Variants in EPHA6 observed in about 807,000 individuals in gnomAD.
The protein encoded by EPHA6 is EPH receptor A6.
In EPHA6, 50 loss-of-function variants were observed where a neutral mutation model predicts 112.0. That is an observed-to-expected ratio of 0.45 (90% CI 0.36 to 0.56). The LOEUF (loss-of-function observed/expected upper bound fraction) is 0.56. EPHA6 is among the 20% of genes least tolerant of loss of function. The pLI is 0.00. For missense variants in EPHA6, 1,280 were observed against 1,417.4 expected, an observed-to-expected ratio of 0.90 and a Z score of 1.56; for synonymous variants, 529 against 490.7, an observed-to-expected ratio of 1.08 and a Z score of -1.03.
chr3:96,976,468 T>C (rs1408506940), intron 2 of EPHA6, among the ~76,000 whole-genome samples: 1 of 152,172 alleles, frequency 6.6e-6, no homozygotes, highest in Non-Finnish European at 1.5e-5. Context: ...ACATGATGTG[T>C]AGAGGTGACA....
chr3:96,982,469 T>A (rs1012742457), intron 2 of EPHA6, among the ~76,000 whole-genome samples: 1 of 152,170 alleles, frequency 6.6e-6, no homozygotes, highest in Non-Finnish European at 1.5e-5. Context: ...AGTGCTTTAC[T>A]TCCAACTATG....
chr3:96,959,184 GTT>G (rs1287488767), intron 2 of EPHA6, among the ~76,000 whole-genome samples: 4 of 152,094 alleles, frequency 2.6e-5, no homozygotes, highest in Admixed American at 2.6e-4. Context: ...ATTGTCTGGT[GTT>G]TGTTTGTAGG....
chr3:97,390,093 T>C (rs975116816), intron 5 of EPHA6, among the ~76,000 whole-genome samples: 9 of 152,108 alleles, frequency 5.9e-5, no homozygotes, highest in Admixed American at 1.3e-4. Flanking sequence ...AAATGACCCA[T>C]ATCCTCAGGA....
intron 6 of EPHA6, among the ~76,000 whole-genome samples, chr3:97,408,996 T>C (rs767911626): frequency 6.6e-6 from 1 of 152,116 alleles, no homozygotes; most frequent in African/African-American, 2.4e-5. Context: ...AACACAGCTA[T>C]TTCCTTTCAA....
At chr3:96,918,434 A>C (rs2039592248) in intron 2 of EPHA6, among the ~76,000 whole-genome samples, 1 of 152,152 alleles carries the variant, frequency 6.6e-6, no homozygotes, top group South Asian at 2.1e-4. Flanking sequence ...TAATATATAA[A>C]GGCATTACGT....
intron 2 of EPHA6, among the ~76,000 whole-genome samples, chr3:96,974,610 A>C (rs964679598): frequency 3.0e-4 from 46 of 152,134 alleles, no homozygotes; most frequent in African/African-American, 1.1e-3. Flanking sequence ...TACAGAATAG[A>C]ATATCTTGCA....
intron 2 of EPHA6, among the ~76,000 whole-genome samples, chr3:96,956,900 A>G (rs1376963471): frequency 1.3e-5 from 2 of 151,606 alleles, no homozygotes; most frequent in East Asian, 1.9e-4. Context: ...GGGTGTGGTG[A>G]TACGTGCCTG....
chr3:97,683,091 A>G (rs1303782737), intron 14 of EPHA6, among the ~76,000 whole-genome samples: 1 of 152,156 alleles, frequency 6.6e-6, no homozygotes, highest in Non-Finnish European at 1.5e-5. Flanking sequence ...TCAGTCAGAA[A>G]CCTCTAGAAA....
chr3:97,084,101 GAT>G (rs141072928), intron 3 of EPHA6, among the ~76,000 whole-genome samples: 11,206 of 103,338 alleles, frequency 0.11, 868 homozygotes, highest in Admixed American at 0.26. Context: ...TGTGTGCATG[GAT>G]ATATATATAT....
intron 5 of EPHA6, among the ~76,000 whole-genome samples, chr3:97,369,004 G>A (rs1016368494): frequency 6.6e-6 from 1 of 152,122 alleles, no homozygotes; most frequent in Non-Finnish European, 1.5e-5. Context: ...GTTTATTTCT[G>A]AAGAATGAGA....
At chr3:97,028,099 G>A (rs1029328257) in intron 3 of EPHA6, among the ~76,000 whole-genome samples, 2 of 152,102 alleles carry the variant, frequency 1.3e-5, no homozygotes, top group South Asian at 2.1e-4. Flanking sequence ...AAAAGCATGC[G>A]GAGGGTAGGA....
chr3:97,649,558 A>G (rs186528586), intron 14 of EPHA6, among the ~76,000 whole-genome samples: 1 of 152,272 alleles, frequency 6.6e-6, no homozygotes, highest in East Asian at 1.9e-4. Flanking sequence ...ATTCAGCCAC[A>G]TAAGAATAAA....
At chr3:97,100,272 T>C (rs991272696) in intron 3 of EPHA6, among the ~76,000 whole-genome samples, 3 of 149,972 alleles carry the variant, frequency 2.0e-5, no homozygotes, top group African/African-American at 4.9e-5. Context: ...TATATAGATA[T>C]ATGGAGCTTA....
At chr3:97,457,014 G>A (rs557135119) in intron 7 of EPHA6, among the ~76,000 whole-genome samples, 8 of 152,166 alleles carry the variant, frequency 5.3e-5, no homozygotes, top group East Asian at 3.9e-4. Flanking sequence ...TTCAAAAGTC[G>A]TATTTTAGTT....
intron 3 of EPHA6, among the ~76,000 whole-genome samples, chr3:97,053,093 C>G (rs148940680): frequency 6.6e-6 from 1 of 151,912 alleles, no homozygotes; most frequent in Non-Finnish European, 1.5e-5. Context: ...ATTAATTAAG[C>G]GACTTATATA....
intron 2 of EPHA6, among the ~76,000 whole-genome samples, chr3:96,913,439 T>C (rs1440605205): frequency 6.6e-6 from 1 of 152,158 alleles, no homozygotes; most frequent in Non-Finnish European, 1.5e-5. Context: ...GAAAGATGTC[T>C]GTGGCTGCAA....
At chr3:97,724,447 T>G (rs2034665530) in intron 15 of EPHA6, among the ~76,000 whole-genome samples, 1 of 152,128 alleles carries the variant, frequency 6.6e-6, no homozygotes, top group Non-Finnish European at 1.5e-5. Context: ...CAAATGTGTA[T>G]GTGGGGTGGG....
chr3:97,158,488 C>CTAAA (rs1262427796), intron 3 of EPHA6, among the ~76,000 whole-genome samples: 2 of 152,124 alleles, frequency 1.3e-5, no homozygotes, highest in African/African-American at 4.8e-5. Flanking sequence ...AAGTCTTAAT[C>CTAAA]ATTTTAGGAG....
At chr3:97,740,378 T>A (rs371610145) in intron 16 of EPHA6, among the ~76,000 whole-genome samples, 103 of 152,234 alleles carry the variant, frequency 6.8e-4, no homozygotes, top group African/African-American at 2.3e-3. Context: ...AGGGGCTTCT[T>A]GACTATCAGC....
Sources: gnomAD v4.1 joint callset for allele counts (sites outside exome capture counted in the v4.1 genomes callset) on GRCh38, gnomAD v4.1.1 for gene constraint, MANE v1.5 for transcripts, NCBI Gene and HGNC (gene_info 2026-07-23, HGNC 2026-07-21) for gene names.